The following ERBB4 variants were observed in gnomAD, a reference collection of about 807,000 sequenced individuals.
ERBB4 encodes the protein erb-b2 receptor tyrosine kinase 4.
A neutral mutation model predicts 158.0 loss-of-function variants in ERBB4; 42 were observed. That is an observed-to-expected ratio of 0.27 (90% CI 0.21 to 0.34). ERBB4 has a LOEUF of 0.34. Ranked by LOEUF, ERBB4 falls within the 10% of genes least tolerant of loss-of-function variation. The pLI is 1.00. For synonymous variants in ERBB4, 583 were observed against 558.7 expected, an observed-to-expected ratio of 1.04 and a Z score of -0.61; for missense variants, 1,333 against 1,624.1, an observed-to-expected ratio of 0.82 and a Z score of 3.08.
At chr2:212,274,215 C>CAATCT (rs918322262) in intron 1 of ERBB4, among the ~76,000 whole-genome samples, 2 of 151,836 alleles carry the variant, frequency 1.3e-5, no homozygotes, top group Admixed American at 6.6e-5. Flanking sequence ...TTGCAAACCT[C>CAATCT]AATCTACAGG....
chr2:212,013,896 A>G (rs1456265011), intron 2 of ERBB4, among the ~76,000 whole-genome samples: 1 of 152,222 alleles, frequency 6.6e-6, no homozygotes, highest in Non-Finnish European at 1.5e-5. Flanking sequence ...AAGAACCCTG[A>G]GAGAATACGT....
At chr2:212,362,038 CT>C (rs1313859815) in intron 1 of ERBB4, among the ~76,000 whole-genome samples, 11 of 151,288 alleles carry the variant, frequency 7.3e-5, no homozygotes, top group African/African-American at 2.7e-4. Context: ...GTTTTTTTTA[CT>C]GAGGTTAGGT....
At chr2:212,235,406 G>A (rs996737708) in intron 1 of ERBB4, among the ~76,000 whole-genome samples, 7 of 152,128 alleles carry the variant, frequency 4.6e-5, no homozygotes, top group African/African-American at 1.7e-4. Context: ...AAGTCAGGTA[G>A]CATGATGCCT....
chr2:211,401,113 T>C (rs1040607234), intron 25 of ERBB4, among the ~76,000 whole-genome samples: 1 of 152,016 alleles, frequency 6.6e-6, no homozygotes, highest in Non-Finnish European at 1.5e-5. Flanking sequence ...TATGCTTTTT[T>C]TCAGTGCAGC....
chr2:212,280,214 T>C (rs16848150), intron 1 of ERBB4, among the ~76,000 whole-genome samples: 3,645 of 151,742 alleles, frequency 0.024, 148 homozygotes, highest in African/African-American at 0.082. Flanking sequence ...CTCAAAAATA[T>C]AGTAGTTGTT....
intron 1 of ERBB4, among the ~76,000 whole-genome samples, chr2:212,490,460 C>T (rs1690212564): frequency 1.3e-5 from 2 of 151,806 alleles, no homozygotes; most frequent in Admixed American, 1.3e-4. Context: ...CAGAAAATTA[C>T]ATCTGAAGTT....
At chr2:212,090,293 T>G (rs2078734403) in intron 2 of ERBB4, among the ~76,000 whole-genome samples, 1 of 152,208 alleles carries the variant, frequency 6.6e-6, no homozygotes, top group East Asian at 1.9e-4. Flanking sequence ...TTGTAATCAC[T>G]GCTATTATAA....
chr2:212,456,991 C>T (rs1425271577), intron 1 of ERBB4, among the ~76,000 whole-genome samples: 1 of 151,924 alleles, frequency 6.6e-6, no homozygotes, highest in Non-Finnish European at 1.5e-5. Context: ...TCATCTACCA[C>T]AGTATTTACT....
Position 211,713,580 on chromosome 2 carries a change from T to G in ERBB4, c.952A>C (p.Asn318His), listed in dbSNP as rs2073787293. 2 of 1,613,206 alleles carry G rather than the reference T, an allele frequency of 1.2e-6. No homozygotes were observed. Among genetic ancestry groups the G allele is most frequent in the East Asian group, 4.5e-5 (2 of 44,846 alleles). Residue 318 changes from asparagine (N) to histidine (H), a missense_variant, in exon 8 of 28, where the codon AAT becomes CAT. Coordinates refer to ENST00000342788, the MANE Select transcript of ERBB4 (RefSeq NM_005235.3). ...CAAGGTTTACACATTTTAATCCCATTTTCTTCTACTTCCATCTTGGAACTA... is the reference window on the plus strand; with the variant it reads ...CAAGGTTTACACATTTTAATCCCATGTTCTTCTACTTCCATCTTGGAACTA... ...CPSSKMEVEE[N>H]GIKMCKPCTD...
At chr2:211,395,358 CA>C (rs1302291150) in intron 25 of ERBB4, among the ~76,000 whole-genome samples, 1 of 152,030 alleles carries the variant, frequency 6.6e-6, no homozygotes, top group African/African-American at 2.4e-5. Context: ...TCCAAGGTAA[CA>C]AAAGTAGTGA....
At chr2:211,792,001 G>T (rs1419672980) in intron 3 of ERBB4, among the ~76,000 whole-genome samples, 2 of 151,664 alleles carry the variant, frequency 1.3e-5, no homozygotes, top group African/African-American at 4.8e-5. Context: ...TAAGCCCCAT[G>T]AAGGTAAGAA....
chr2:211,933,950 T>C (rs2080243575), intron 3 of ERBB4, among the ~76,000 whole-genome samples: 1 of 152,008 alleles, frequency 6.6e-6, no homozygotes, highest in African/African-American at 2.4e-5. Context: ...AAATGTGAGC[T>C]CAAAATAAAA....
At chr2:212,191,967 TTATATGTTA>T (rs1299975840) in intron 1 of ERBB4, among the ~76,000 whole-genome samples, 1 of 108,998 alleles carries the variant, frequency 9.2e-6, no homozygotes, top group African/African-American at 3.8e-5. Context: ...GTTATATATG[TTATATGTTA>T]TATATGTTAT....
At chr2:212,102,541 A>G (rs2079114590) in intron 2 of ERBB4, among the ~76,000 whole-genome samples, 1 of 152,134 alleles carries the variant, frequency 6.6e-6, no homozygotes. Context: ...TTATGCTTAT[A>G]GATATTCTTT....
At chr2:211,450,891 A>C (rs935714232) in intron 20 of ERBB4, among the ~76,000 whole-genome samples, 5 of 152,178 alleles carry the variant, frequency 3.3e-5, no homozygotes, top group Admixed American at 3.3e-4. Flanking sequence ...CACGAGGAGA[A>C]AGAATTTATC....
chr2:212,412,952 T>A (rs1392776005), intron 1 of ERBB4, among the ~76,000 whole-genome samples: 1 of 151,892 alleles, frequency 6.6e-6, no homozygotes, highest in Non-Finnish European at 1.5e-5. Context: ...GAGTATTTTT[T>A]TTCTTTTTGT....
chr2:212,395,038 C>T (rs772389527), intron 1 of ERBB4, among the ~76,000 whole-genome samples: 2 of 152,020 alleles, frequency 1.3e-5, no homozygotes, highest in Non-Finnish European at 2.9e-5. Flanking sequence ...AGGTTTGCTG[C>T]CAAATTTTAA....
At chr2:211,460,938 T>C (rs1169591769) in intron 20 of ERBB4, among the ~76,000 whole-genome samples, 1 of 152,196 alleles carries the variant, frequency 6.6e-6, no homozygotes, top group Non-Finnish European at 1.5e-5. Context: ...GCCAGGTATA[T>C]TGCTCTTCTC....
chr2:212,317,778 TACTC>T (rs773479485), intron 1 of ERBB4, among the ~76,000 whole-genome samples: 3 of 151,474 alleles, frequency 2.0e-5, no homozygotes, highest in Non-Finnish European at 3.0e-5. Flanking sequence ...GACTAGAACT[TACTC>T]ACTGGGTTTC....
Sources: allele counts gnomAD v4.1 joint callset (sites outside exome capture counted in the v4.1 genomes callset), GRCh38; gene constraint gnomAD v4.1.1; transcripts MANE v1.5; gene names NCBI Gene and HGNC (gene_info 2026-07-23, HGNC 2026-07-21).